ZFHX3: variants seen among roughly 807,000 people sequenced by gnomAD.
ZFHX3 encodes zinc finger homeobox protein 3.
ZFHX3 carries 42 observed loss-of-function variants against 279.1 expected under a neutral mutation model. The ratio of observed to expected loss-of-function variants is 0.15; its 90% CI spans 0.12 to 0.19. The LOEUF (loss-of-function observed/expected upper bound fraction) is 0.19, where lower values mean the gene tolerates loss of function less well. Among genes scored for constraint, ZFHX3 ranks in the 10% least tolerant of loss-of-function variants. The pLI, the probability that ZFHX3 is intolerant of heterozygous loss-of-function variation, is 1.00. For missense variants in ZFHX3, 4,981 were observed against 4,754.0 expected (o/e 1.05, Z -1.40); for synonymous variants, 2,293 against 1,957.8 (o/e 1.17, Z -4.52).
intron 3 of ZFHX3, among the ~76,000 whole-genome samples, chr16:73,412,722 T>C (rs12716772): frequency 0.53 from 80,834 of 152,116 alleles, 21,605 homozygotes; most frequent in Non-Finnish European, 0.55. Flanking sequence ...ACAACCACCA[T>C]GCGTGATACT....
intron 3 of ZFHX3, among the ~76,000 whole-genome samples, chr16:73,370,752 G>A (rs1297361454): frequency 6.6e-6 from 1 of 152,220 alleles, no homozygotes; most frequent in Non-Finnish European, 1.5e-5. Flanking sequence ...GGACTGTCAT[G>A]GACACTGCTG....
chr16:73,112,864 G>T (rs1292589860), intron 7 of ZFHX3, among the ~76,000 whole-genome samples: 1 of 151,932 alleles, frequency 6.6e-6, no homozygotes, highest in Non-Finnish European at 1.5e-5. Flanking sequence ...GCTGCCCCTG[G>T]GGCCTGGCTG....
At chr16:72,813,134 T>G (rs2036510587) in intron 5 of ZFHX3, among the ~76,000 whole-genome samples, 1 of 152,170 alleles carries the variant, frequency 6.6e-6, no homozygotes. Flanking sequence ...TTCATTTGTT[T>G]TGAATATGGG....
chr16:73,452,040 A>G (rs1027412445), intron 3 of ZFHX3, among the ~76,000 whole-genome samples: 6 of 152,326 alleles, frequency 3.9e-5, no homozygotes, highest in Admixed American at 6.5e-5. Flanking sequence ...GCAGTACACA[A>G]AGAGCTGAGA....
chr16:72,892,163 A>G (rs1738220830), intron 3 of ZFHX3, among the ~76,000 whole-genome samples: 1 of 152,252 alleles, frequency 6.6e-6, no homozygotes, highest in Non-Finnish European at 1.5e-5. Context: ...CTGGAAGAAG[A>G]AACATAAATG....
chr16:73,316,237 T>C (rs567382669), intron 4 of ZFHX3, among the ~76,000 whole-genome samples: 53 of 152,340 alleles, frequency 3.5e-4, no homozygotes, highest in African/African-American at 1.3e-3. Flanking sequence ...GTGAAGGTCA[T>C]TGAGGAAAAC....
intron 1 of ZFHX3, among the ~76,000 whole-genome samples, chr16:73,771,054 T>C (rs2054012245): frequency 1.3e-5 from 2 of 152,112 alleles, no homozygotes; most frequent in South Asian, 4.1e-4. Flanking sequence ...TTTCTCACTG[T>C]GAAAAATACA....
At chr16:73,237,290 G>A (rs564410007) in intron 5 of ZFHX3, among the ~76,000 whole-genome samples, 1 of 152,102 alleles carries the variant, frequency 6.6e-6, no homozygotes, top group African/African-American at 2.4e-5. Context: ...GGGTCTTGCT[G>A]TGTTGTCCAC....
intron 7 of ZFHX3, among the ~76,000 whole-genome samples, chr16:73,108,046 A>T: frequency 6.6e-6 from 1 of 152,174 alleles, no homozygotes; most frequent in East Asian, 1.9e-4. Context: ...CTGTAGTCCC[A>T]GCTACTCGGG....
intron 3 of ZFHX3, among the ~76,000 whole-genome samples, chr16:73,453,514 G>A (rs771948388): frequency 1.3e-5 from 2 of 152,210 alleles, no homozygotes; most frequent in Non-Finnish European, 2.9e-5. Context: ...GACGGTGTCA[G>A]AAAACAGAGT....
At chr16:73,147,517 C>A (rs1225015303) in intron 5 of ZFHX3, among the ~76,000 whole-genome samples, 7 of 150,842 alleles carry the variant, frequency 4.6e-5, no homozygotes, top group Non-Finnish European at 8.9e-5. Flanking sequence ...ACGGTGAAAC[C>A]CCGTCTCTAC....
At chr16:72,906,984 A>G (rs1382947628) in intron 3 of ZFHX3, among the ~76,000 whole-genome samples, 1 of 152,204 alleles carries the variant, frequency 6.6e-6, no homozygotes, top group Admixed American at 6.5e-5. Context: ...ACGCGTGCAC[A>G]GTGGCATGTG....
intron 3 of ZFHX3, among the ~76,000 whole-genome samples, chr16:73,436,569 A>G (rs1222032429): frequency 6.6e-6 from 1 of 152,140 alleles, no homozygotes; most frequent in African/African-American, 2.4e-5. Flanking sequence ...ACACGTGGGA[A>G]TTATGGGAGC....
Position 72,901,123 on chromosome 16 carries a change from T to C in ZFHX3, c.3217-11161A>G, listed in dbSNP as rs563217133. On this transcript the variant is annotated intron_variant, in intron 3 of 9. Transcript: ENST00000268489. ...TCATCTTCCTCTCCCCTTTCACACCTGCACTCGAAAATTTCCCAGGGCTGT... is the reference window on the plus strand; with the variant it reads ...TCATCTTCCTCTCCCCTTTCACACCCGCACTCGAAAATTTCCCAGGGCTGT... Among the ~76,000 whole-genome samples, 8 of 152,278 alleles carry C rather than the reference T, an allele frequency of 5.3e-5. No homozygotes were observed. The South Asian group carries it at 1.7e-3, about 32-fold the overall frequency.
chr16:73,744,390 A>T (rs1246924910), intron 1 of ZFHX3, among the ~76,000 whole-genome samples: 1 of 152,194 alleles, frequency 6.6e-6, no homozygotes, highest in Non-Finnish European at 1.5e-5. Flanking sequence ...AGATGCAATT[A>T]TTCAGCTGGC....
intron 4 of ZFHX3, among the ~76,000 whole-genome samples, chr16:72,864,747 C>G (rs1293068870): frequency 6.6e-6 from 1 of 152,220 alleles, no homozygotes; most frequent in African/African-American, 2.4e-5. Flanking sequence ...ATCCCAACAG[C>G]TATGGCCTAT....
At chr16:73,638,663 G>A (rs998745302) in intron 2 of ZFHX3, among the ~76,000 whole-genome samples, 2 of 152,086 alleles carry the variant, frequency 1.3e-5, no homozygotes, top group Non-Finnish European at 2.9e-5. Context: ...TTGTGTTTTT[G>A]TTGGCCAAGT....
At chr16:73,623,638 T>G (rs767443970) in intron 2 of ZFHX3, among the ~76,000 whole-genome samples, 1 of 152,232 alleles carries the variant, frequency 6.6e-6, no homozygotes, top group African/African-American at 2.4e-5. Flanking sequence ...TTACATCAAA[T>G]GTGCATGTGA....
intron 2 of ZFHX3, among the ~76,000 whole-genome samples, chr16:73,520,895 A>G (rs2019598243): frequency 6.6e-6 from 1 of 152,222 alleles, no homozygotes; most frequent in South Asian, 2.1e-4. Context: ...TACTGATAAT[A>G]TGTTGGCACA....
Sources: gnomAD v4.1 joint callset for allele counts (sites outside exome capture counted in the v4.1 genomes callset) on GRCh38, gnomAD v4.1.1 for gene constraint, MANE v1.5 for transcripts, NCBI Gene and HGNC (gene_info 2026-07-23, HGNC 2026-07-21) for gene names.